TENM2: variants seen among roughly 807,000 people sequenced by gnomAD.
The protein encoded by TENM2 is teneurin transmembrane protein 2, also known as teneurin-2.
Under a neutral mutation model 245.2 loss-of-function variants are expected in TENM2, and 52 were observed. That is an observed-to-expected ratio of 0.21 (90% CI 0.17 to 0.27). The LOEUF is 0.27. Among genes scored for constraint, TENM2 ranks in the 10% least tolerant of loss-of-function variants. The pLI, the probability that TENM2 is intolerant of heterozygous loss-of-function variation, is 1.00. For missense variants in TENM2, 3,046 were observed against 3,666.8 expected, an observed-to-expected ratio of 0.83 and a Z score of 4.37; for synonymous variants, 1,363 against 1,438.9, an observed-to-expected ratio of 0.95 and a Z score of 1.19.
the TENM2 span, among the ~76,000 whole-genome samples, chr5:167,273,670 C>CT: frequency 6.6e-6 from 1 of 152,066 alleles, no homozygotes; most frequent in East Asian, 1.9e-4. Flanking sequence ...CAAAGTGTTT[C>CT]TTTTTCCTTT....
chr5:168,253,642 G>C (rs1035361700), intron 27 of TENM2, among the ~76,000 whole-genome samples: 2 of 150,256 alleles, frequency 1.3e-5, no homozygotes, highest in South Asian at 4.2e-4. Context: ...AGCCAGGATG[G>C]TCTCGATCTC....
the TENM2 span, among the ~76,000 whole-genome samples, chr5:167,035,818 G>A: frequency 1.3e-5 from 2 of 152,184 alleles, no homozygotes; most frequent in Non-Finnish European, 2.9e-5. Flanking sequence ...TGGCTCACTG[G>A]AACCTCTGCC....
At chr5:168,182,493 G>A (rs1760001010) in intron 13 of TENM2, among the ~76,000 whole-genome samples, 1 of 152,178 alleles carries the variant, frequency 6.6e-6, no homozygotes, top group Non-Finnish European at 1.5e-5. Flanking sequence ...CTGAGCCACA[G>A]GAATTCAGTC....
chr5:167,637,692 C>A (rs974362827), intron 2 of TENM2, among the ~76,000 whole-genome samples: 1 of 152,022 alleles, frequency 6.6e-6, no homozygotes, highest in Admixed American at 6.6e-5. Context: ...AGCTGGAAAC[C>A]ATCAGCAAAT....
chr5:168,101,469 A>G (rs1450436535), intron 9 of TENM2, among the ~76,000 whole-genome samples: 2 of 151,916 alleles, frequency 1.3e-5, no homozygotes, highest in African/African-American at 2.4e-5. Flanking sequence ...ATGAACGTCC[A>G]TTCTACATTA....
intron 19 of TENM2, among the ~76,000 whole-genome samples, chr5:168,205,617 G>A (rs1762291794): frequency 6.6e-6 from 1 of 152,082 alleles, no homozygotes; most frequent in Non-Finnish European, 1.5e-5. Flanking sequence ...AAGCACTCAG[G>A]CAAAGAGAAG....
intron 2 of TENM2, among the ~76,000 whole-genome samples, chr5:167,758,746 C>G (rs150679656): frequency 7.9e-5 from 12 of 152,190 alleles, no homozygotes; most frequent in African/African-American, 2.9e-4. Flanking sequence ...TTTCTCGAGC[C>G]ATGCACACTG....
the TENM2 span, among the ~76,000 whole-genome samples, chr5:167,101,849 T>TTATATATATATATATATATAAATA: frequency 1.4e-5 from 1 of 69,438 alleles, no homozygotes; most frequent in East Asian, 4.2e-4. Context: ...ATATATATAT[T>TTATATATATATATATATATAAATA]TATATATATA....
chr5:167,988,145 A>G (rs1783389258), intron 4 of TENM2, among the ~76,000 whole-genome samples: 1 of 152,192 alleles, frequency 6.6e-6, no homozygotes. Flanking sequence ...CTGCATGTAC[A>G]TATGCAAACT....
chr5:167,219,700 C>T, the TENM2 span, among the ~76,000 whole-genome samples: 1 of 152,190 alleles, frequency 6.6e-6, no homozygotes, highest in South Asian at 2.1e-4. Context: ...GTGAACCATG[C>T]ACCCTTTGAA....
the TENM2 span, among the ~76,000 whole-genome samples, chr5:167,124,517 T>G: frequency 3.9e-5 from 6 of 152,218 alleles, no homozygotes; most frequent in African/African-American, 1.2e-4. Context: ...CCATGTAATA[T>G]TCTTCTGTGG....
intron 2 of TENM2, among the ~76,000 whole-genome samples, chr5:167,693,709 T>G (rs1757580833): frequency 6.6e-6 from 1 of 150,984 alleles, no homozygotes; most frequent in African/African-American, 2.4e-5. Context: ...CTGGAGTTGA[T>G]AGTGGAAAAA....
chr5:167,898,381 T>G (rs943554108), intron 3 of TENM2, among the ~76,000 whole-genome samples: 1 of 152,158 alleles, frequency 6.6e-6, no homozygotes, highest in Non-Finnish European at 1.5e-5. Flanking sequence ...TGAGAAGCAC[T>G]GATCTAGTAG....
intron 4 of TENM2, among the ~76,000 whole-genome samples, chr5:167,977,489 C>T (rs1162330964): frequency 6.6e-6 from 1 of 152,086 alleles, no homozygotes; most frequent in East Asian, 1.9e-4. Context: ...CGATAGCTTT[C>T]CTAGAATATA....
intron 4 of TENM2, among the ~76,000 whole-genome samples, chr5:167,956,963 C>G (rs775473442): frequency 3.3e-5 from 5 of 152,070 alleles, no homozygotes; most frequent in Middle Eastern, 3.2e-3. Flanking sequence ...CCAGGTTTTG[C>G]TATCAGGATG....
chr5:167,875,894 A>C, intron 2 of TENM2, 92 bp from the exon 5 acceptor site: 1 of 689,854 alleles, frequency 1.4e-6, no homozygotes, highest in Non-Finnish European at 2.3e-6. Flanking sequence ...TTTTTTTAAT[A>C]TTTATATTGT....
At chr5:167,378,533 A>G (rs957971670) in intron 2 of TENM2, among the ~76,000 whole-genome samples, 1 of 152,074 alleles carries the variant, frequency 6.6e-6, no homozygotes, top group African/African-American at 2.4e-5. Flanking sequence ...CTTTAATCCT[A>G]TCTTGAAGTC....
intron 2 of TENM2, among the ~76,000 whole-genome samples, chr5:167,425,589 C>G (rs1763764031): frequency 6.6e-6 from 1 of 152,074 alleles, no homozygotes; most frequent in Admixed American, 6.5e-5. Flanking sequence ...CAGTTATCTT[C>G]CTGAGAATTT....
At chr5:167,804,420 G>A (rs78440179) in intron 2 of TENM2, among the ~76,000 whole-genome samples, 3,192 of 152,180 alleles carry the variant, frequency 0.021, 119 homozygotes, top group African/African-American at 0.073. Flanking sequence ...TAGAGAAGGA[G>A]GAATCTGCTT....
Sources: gnomAD v4.1 joint callset for allele counts (sites outside exome capture counted in the v4.1 genomes callset) on GRCh38, gnomAD v4.1.1 for gene constraint, MANE v1.5 for transcripts, NCBI Gene and HGNC (gene_info 2026-07-23, HGNC 2026-07-21) for gene names.